The following HLCS variants were observed in gnomAD, a reference collection of about 807,000 sequenced individuals.
HLCS encodes holocarboxylase synthetase, also known as biotin--protein ligase.
Under a neutral mutation model 75.0 loss-of-function variants are expected in HLCS, and 53 were observed. That is an observed-to-expected ratio of 0.71 (90% CI 0.57 to 0.89). The LOEUF is 0.89. Among genes scored for constraint, HLCS ranks in the 40% least tolerant of loss-of-function variants. HLCS has a pLI of 0.00. For missense variants in HLCS, 966 were observed against 1,074.0 expected (o/e 0.90, Z 1.41); for synonymous variants, 431 against 428.6 (o/e 1.01, Z -0.07).
intron 1 of HLCS, among the ~76,000 whole-genome samples, chr21:36,981,665 G>C (rs958525547): frequency 1.3e-5 from 2 of 152,046 alleles, no homozygotes; most frequent in Non-Finnish European, 2.9e-5. Context: ...CTCCCAAAGT[G>C]CTGGGGTTAC....
At chr21:36,765,279 TGCTTATTGTATTACAAC>T (rs369975081) in intron 7 of HLCS, 107 bp from the exon 8 acceptor site, 1 of 1,036,032 alleles carries the variant, frequency 9.7e-7, no homozygotes, top group Non-Finnish European at 1.5e-6. Context: ...CTTATTACAA[TGCTTATTGTATTACAAC>T]GCTTATTATA....
intron 6 of HLCS, among the ~76,000 whole-genome samples, chr21:36,790,976 C>T (rs987066366): frequency 1.3e-5 from 2 of 152,184 alleles, no homozygotes; most frequent in African/African-American, 4.8e-5. Flanking sequence ...GGACAATGTG[C>T]TTTGTAAACA....
chr21:36,793,930 G>A (rs1296573724), intron 6 of HLCS, among the ~76,000 whole-genome samples: 1 of 152,180 alleles, frequency 6.6e-6, no homozygotes, highest in Non-Finnish European at 1.5e-5. Flanking sequence ...GTTGTCAGGA[G>A]GATATACCAA....
At chr21:36,755,424 A>G (rs1184342180) in intron 10 of HLCS, among the ~76,000 whole-genome samples, 1 of 152,088 alleles carries the variant, frequency 6.6e-6, no homozygotes, top group African/African-American at 2.4e-5. Flanking sequence ...AAATAAAAAA[A>G]GTTTTTTAAA....
chr21:36,934,310 G>A (rs889072595), intron 4 of HLCS, among the ~76,000 whole-genome samples: 1 of 152,186 alleles, frequency 6.6e-6, no homozygotes, highest in African/African-American at 2.4e-5. Context: ...AGAGACCAGG[G>A]ATGCTATTCC....
intron 9 of HLCS, among the ~76,000 whole-genome samples, chr21:36,757,598 A>G (rs2089653562): frequency 6.6e-6 from 1 of 152,200 alleles, no homozygotes; most frequent in Non-Finnish European, 1.5e-5. Flanking sequence ...AAAATCCCCA[A>G]AACATTCGCC....
chr21:36,914,182 C>G (rs376551893), intron 5 of HLCS, among the ~76,000 whole-genome samples: 1 of 152,216 alleles, frequency 6.6e-6, no homozygotes, highest in East Asian at 1.9e-4. Flanking sequence ...GGTGAACGGT[C>G]CAGGGGCCAG....
intron 6 of HLCS, among the ~76,000 whole-genome samples, chr21:36,794,124 C>CA (rs2060956068): frequency 6.6e-6 from 1 of 152,246 alleles, no homozygotes. Context: ...CTCCTGGGAG[C>CA]AAACCCATGA....
chr21:36,823,248 C>T (rs2061900724), intron 6 of HLCS, among the ~76,000 whole-genome samples: 2 of 152,132 alleles, frequency 1.3e-5, no homozygotes, highest in Admixed American at 1.3e-4. Flanking sequence ...GAGAACCAGG[C>T]AAATATTTAC....
chr21:36,990,040 C>G (rs1477645211), intron 1 of HLCS: 2 of 152,244 alleles, frequency 1.3e-5, no homozygotes, highest in Non-Finnish European at 2.9e-5. Context: ...GAGGCCTCGA[C>G]TCAGGAGACG....
At chr21:36,988,539 A>C (rs897872693) in intron 1 of HLCS, among the ~76,000 whole-genome samples, 3 of 152,194 alleles carry the variant, frequency 2.0e-5, no homozygotes, top group African/African-American at 7.2e-5. Context: ...ACACTTTTAT[A>C]CTGGTGTAGG....
intron 6 of HLCS, among the ~76,000 whole-genome samples, chr21:36,798,010 G>A (rs928518254): frequency 2.0e-5 from 3 of 151,992 alleles, no homozygotes; most frequent in African/African-American, 7.2e-5. Context: ...GCTAAGGATG[G>A]TGGGGAGAAG....
At chr21:36,795,293 A>G (rs1373538141) in intron 6 of HLCS, among the ~76,000 whole-genome samples, 2 of 152,194 alleles carry the variant, frequency 1.3e-5, no homozygotes, top group Admixed American at 1.3e-4. Context: ...GCGAGGACAC[A>G]TTGACGGTGC....
chr21:36,879,610 G>T (rs1347911968), intron 6 of HLCS, among the ~76,000 whole-genome samples: 1 of 152,100 alleles, frequency 6.6e-6, no homozygotes, highest in African/African-American at 2.4e-5. Context: ...TATCTCCAAG[G>T]TGACTGGAAG....
intron 6 of HLCS, among the ~76,000 whole-genome samples, chr21:36,852,718 C>T (rs1458035575): frequency 6.6e-6 from 1 of 152,136 alleles, no homozygotes; most frequent in African/African-American, 2.4e-5. Context: ...GATCGTTAAG[C>T]CATATTCTAA....
intron 2 of HLCS, 56 bp from the exon 3 acceptor site, chr21:36,939,050 C>A: frequency 6.7e-7 from 1 of 1,502,434 alleles, no homozygotes; most frequent in Non-Finnish European, 9.0e-7. Context: ...GATTTTTCTT[C>A]TCTAAAATAA....
chr21:36,824,687 G>C (rs760787689), intron 6 of HLCS, among the ~76,000 whole-genome samples: 9 of 152,188 alleles, frequency 5.9e-5, no homozygotes, highest in Non-Finnish European at 1.3e-4. Flanking sequence ...ACACGGTACA[G>C]ACTTCCTCCA....
chr21:36,936,362 T>C, intron 4 of HLCS, 87 bp downstream of exon 4: 1 of 1,199,096 alleles, frequency 8.3e-7, no homozygotes, highest in Non-Finnish European at 1.2e-6. Context: ...CCTGAAACTT[T>C]TAAGCGTGTA....
intron 2 of HLCS, among the ~76,000 whole-genome samples, chr21:36,940,589 G>T (rs2067098375): frequency 6.6e-6 from 1 of 152,164 alleles, no homozygotes; most frequent in Admixed American, 6.5e-5. Context: ...TAAAAGTCTG[G>T]AAGAACAGAC....
Sources: allele counts gnomAD v4.1 joint callset (sites outside exome capture counted in the v4.1 genomes callset), GRCh38; gene constraint gnomAD v4.1.1; transcripts MANE v1.5; gene names NCBI Gene and HGNC (gene_info 2026-07-23, HGNC 2026-07-21).